Variants in LSAMP observed in about 807,000 individuals in gnomAD.
LSAMP encodes limbic system-associated membrane protein.
LSAMP carries 7 observed loss-of-function variants against 38.6 expected under a neutral mutation model. The observed-to-expected ratio is 0.18, with a 90% CI of 0.10 to 0.34. The LOEUF (loss-of-function observed/expected upper bound fraction) is 0.34. LSAMP is among the 10% of genes least tolerant of loss of function. The probability of loss-of-function intolerance (pLI) is 1.00; values close to 1 mark genes in which losing one functional copy is unlikely to be tolerated. For synonymous variants in LSAMP, 154 were observed against 166.8 expected, an observed-to-expected ratio of 0.92 and a Z score of 0.59; for missense variants, 313 against 420.0, an observed-to-expected ratio of 0.75 and a Z score of 2.23.
At chr3:115,941,257 G>A (rs556875353) in intron 3 of LSAMP, among the ~76,000 whole-genome samples, 4 of 152,040 alleles carry the variant, frequency 2.6e-5, no homozygotes, top group Non-Finnish European at 5.9e-5. Flanking sequence ...CACCTATGAA[G>A]ATGGGTATCC....
At chr3:115,811,256 A>C (rs2107447330) in intron 6 of LSAMP, among the ~76,000 whole-genome samples, 1 of 152,048 alleles carries the variant, frequency 6.6e-6, no homozygotes. Context: ...TGGGTCTGAG[A>C]GGGGAAATAG....
At chr3:116,139,815 C>A (rs2107513673) in intron 1 of LSAMP, among the ~76,000 whole-genome samples, 1 of 152,086 alleles carries the variant, frequency 6.6e-6, no homozygotes, top group Middle Eastern at 3.4e-3. Flanking sequence ...GCTAGCCAGG[C>A]ACTCTATGAC....
At chr3:115,879,537 G>T (rs111256725) in intron 3 of LSAMP, among the ~76,000 whole-genome samples, 1 of 152,146 alleles carries the variant, frequency 6.6e-6, no homozygotes, top group Non-Finnish European at 1.5e-5. Flanking sequence ...AGAAAGAGAC[G>T]TAGTCATTCA....
At chr3:115,848,475 T>C (rs1310588263) in intron 4 of LSAMP, among the ~76,000 whole-genome samples, 4 of 152,250 alleles carry the variant, frequency 2.6e-5, no homozygotes, top group Non-Finnish European at 5.9e-5. Context: ...CATTAGGTGA[T>C]TTTTGAATCA....
At chr3:115,980,246 T>C (rs1016955487) in intron 3 of LSAMP, among the ~76,000 whole-genome samples, 3 of 152,156 alleles carry the variant, frequency 2.0e-5, no homozygotes, top group Non-Finnish European at 4.4e-5. Context: ...ATTTAAACTG[T>C]AGATTTGTTA....
chr3:116,266,295 A>G (rs1251076160), intron 1 of LSAMP, among the ~76,000 whole-genome samples: 33 of 152,302 alleles, frequency 2.2e-4, no homozygotes, highest in Admixed American at 6.5e-5. Context: ...GTGACAAGAC[A>G]TGGGTTCCTA....
intron 1 of LSAMP, among the ~76,000 whole-genome samples, chr3:116,332,019 T>C (rs937074360): frequency 1.3e-5 from 2 of 151,956 alleles, no homozygotes; most frequent in African/African-American, 4.8e-5. Context: ...TGCTTATTTT[T>C]TGGTACAGAT....
intron 1 of LSAMP, among the ~76,000 whole-genome samples, chr3:116,138,339 CTCAG>C (rs1424699867): frequency 6.6e-6 from 1 of 152,084 alleles, no homozygotes; most frequent in Non-Finnish European, 1.5e-5. Context: ...CTGTTTCTCT[CTCAG>C]TCAATTGTGG....
At chr3:116,260,434 A>G (rs1372411037) in intron 1 of LSAMP, among the ~76,000 whole-genome samples, 2 of 151,896 alleles carry the variant, frequency 1.3e-5, no homozygotes, top group African/African-American at 2.4e-5. Context: ...ATATTAACTT[A>G]CTATAAACTA....
intron 3 of LSAMP, among the ~76,000 whole-genome samples, chr3:115,964,047 C>A (rs1938715008): frequency 6.6e-6 from 1 of 152,144 alleles, no homozygotes; most frequent in Admixed American, 6.6e-5. Flanking sequence ...GCCACATCAC[C>A]CAGCCTTCTT....
chr3:116,031,301 G>T (rs1940916045), intron 2 of LSAMP, among the ~76,000 whole-genome samples: 1 of 151,924 alleles, frequency 6.6e-6, no homozygotes. Context: ...GTGATGAGGG[G>T]ATAAAACAAT....
intron 1 of LSAMP, among the ~76,000 whole-genome samples, chr3:116,250,206 T>C (rs1314211746): frequency 1.3e-5 from 2 of 152,222 alleles, no homozygotes. Flanking sequence ...TAATCTTAGT[T>C]TAAATACATA....
chr3:115,950,454 GAATT>G (rs1938245588), intron 3 of LSAMP, among the ~76,000 whole-genome samples: 1 of 151,928 alleles, frequency 6.6e-6, no homozygotes, highest in African/African-American at 2.4e-5. Flanking sequence ...ACCAAGCTGA[GAATT>G]AAATCAAAAT....
chr3:116,257,540 G>A (rs1466852889), intron 1 of LSAMP, among the ~76,000 whole-genome samples: 2 of 152,006 alleles, frequency 1.3e-5, no homozygotes, highest in East Asian at 3.9e-4. Flanking sequence ...AAACAATAAT[G>A]TTATTGCACT....
chr3:116,049,882 CT>C (rs1941360335), intron 2 of LSAMP, among the ~76,000 whole-genome samples: 1 of 152,164 alleles, frequency 6.6e-6, no homozygotes, highest in Non-Finnish European at 1.5e-5. Context: ...GCCAAAGGTT[CT>C]GTTCACTTAC....
chr3:116,053,269 A>G (rs1014371492), intron 2 of LSAMP, among the ~76,000 whole-genome samples: 1 of 152,228 alleles, frequency 6.6e-6, no homozygotes, highest in Non-Finnish European at 1.5e-5. Flanking sequence ...CAGCTTTTCA[A>G]TTCAATTAAA....
At chr3:116,434,815 G>A in intron 1 of LSAMP, among the ~76,000 whole-genome samples, 1 of 152,186 alleles carries the variant, frequency 6.6e-6, no homozygotes, top group East Asian at 1.9e-4. Context: ...CTCCCAAAGT[G>A]TTGGGATTAC....
intron 2 of LSAMP, among the ~76,000 whole-genome samples, chr3:116,043,832 G>A (rs1941231104): frequency 1.3e-5 from 2 of 152,170 alleles, no homozygotes; most frequent in South Asian, 2.1e-4. Context: ...TGTAGTCCCA[G>A]CTACTCCAGA....
chr3:116,011,842 T>C (rs1181293680), intron 3 of LSAMP, among the ~76,000 whole-genome samples: 7 of 152,210 alleles, frequency 4.6e-5, no homozygotes, highest in African/African-American at 1.7e-4. Context: ...GAACATCTCT[T>C]GGAACTTTTC....
Sources: gnomAD v4.1 joint callset for allele counts (sites outside exome capture counted in the v4.1 genomes callset) on GRCh38, gnomAD v4.1.1 for gene constraint, MANE v1.5 for transcripts, NCBI Gene and HGNC (gene_info 2026-07-23, HGNC 2026-07-21) for gene names.